TPD52: variants seen among roughly 807,000 people sequenced by gnomAD.
TPD52 encodes the protein tumor protein D52, also known as prostate and colon associated protein.
TPD52 carries 17 observed loss-of-function variants against 31.3 expected under a neutral mutation model. The ratio of observed to expected loss-of-function variants is 0.54; its 90% CI spans 0.37 to 0.82. TPD52 has a LOEUF of 0.82. TPD52 is among the 40% of genes least tolerant of loss of function. The pLI is 0.00. For synonymous variants in TPD52, 83 were observed against 89.6 expected, an observed-to-expected ratio of 0.93 and a Z score of 0.42; for missense variants, 212 against 240.1, an observed-to-expected ratio of 0.88 and a Z score of 0.77.
intron 1 of TPD52, chr8:80,080,389 A>G (rs1202894472): frequency 1.2e-6 from 2 of 1,614,072 alleles, no homozygotes; most frequent in Non-Finnish European, 1.7e-6. Context: ...GCTTTTGTTC[A>G]CTCCTGCATC....
chr8:80,071,805 AG>A (rs990592096), intron 1 of TPD52, among the ~76,000 whole-genome samples: 34 of 152,128 alleles, frequency 2.2e-4, no homozygotes, highest in African/African-American at 7.0e-4. Context: ...GCCCCAACAA[AG>A]AGCTTTCTAG....
intron 1 of TPD52, among the ~76,000 whole-genome samples, chr8:80,125,703 C>T (rs1808554502): frequency 6.6e-6 from 1 of 152,088 alleles, no homozygotes; most frequent in Non-Finnish European, 1.5e-5. Flanking sequence ...ATAGTGTCAA[C>T]ATCACACCCA....
chr8:80,145,549 C>T (rs1292474553), intron 1 of TPD52, among the ~76,000 whole-genome samples: 1 of 152,184 alleles, frequency 6.6e-6, no homozygotes, highest in Non-Finnish European at 1.5e-5. Flanking sequence ...GAATGGGTGA[C>T]TGTAGGAATC....
chr8:80,062,217 T>C (rs903256550), intron 2 of TPD52, among the ~76,000 whole-genome samples: 16 of 152,228 alleles, frequency 1.1e-4, no homozygotes, highest in South Asian at 8.3e-4. Flanking sequence ...AGAAAAGACA[T>C]ATAGATGAAT....
chr8:80,130,299 A>G (rs1306914365), intron 1 of TPD52, among the ~76,000 whole-genome samples: 1 of 152,198 alleles, frequency 6.6e-6, no homozygotes, highest in African/African-American at 2.4e-5. Flanking sequence ...TTACTTTGCA[A>G]TGTCTGGTTG....
At chr8:80,142,891 C>G (rs7840574) in intron 1 of TPD52, among the ~76,000 whole-genome samples, 77,017 of 151,510 alleles carry the variant, frequency 0.51, 20,022 homozygotes, top group East Asian at 0.78. Flanking sequence ...CACACACATT[C>G]ATGTATTTCC....
chr8:80,087,940 C>T (rs1050272219), intron 1 of TPD52, among the ~76,000 whole-genome samples: 3 of 152,220 alleles, frequency 2.0e-5, no homozygotes, highest in Non-Finnish European at 2.9e-5. Context: ...TTTAAAATCA[C>T]AAGGGTAGAT....
At chr8:80,099,363 AAAAC>A (rs928121388) in intron 1 of TPD52, among the ~76,000 whole-genome samples, 13 of 152,318 alleles carry the variant, frequency 8.5e-5, no homozygotes, top group Admixed American at 2.6e-4. Context: ...CATTTATGAA[AAAAC>A]AAACAAACAA....
intron 7 of TPD52, among the ~76,000 whole-genome samples, chr8:80,039,562 C>G (rs371144819): frequency 1.3e-5 from 2 of 152,136 alleles, no homozygotes; most frequent in South Asian, 2.1e-4. Context: ...CAATCGTTCT[C>G]CCCTTTGATG....
At chr8:80,080,575 T>C in intron 1 of TPD52, 1 of 1,434,626 alleles carries the variant, frequency 7.0e-7, no homozygotes, top group Non-Finnish European at 9.1e-7. Context: ...CCCCAGGAGT[T>C]AGAGGCCCTG....
chr8:80,151,990 A>G (rs1192437175), intron 1 of TPD52, among the ~76,000 whole-genome samples: 1 of 152,234 alleles, frequency 6.6e-6, no homozygotes, highest in East Asian at 1.9e-4. Context: ...GAAGAGACCT[A>G]AGTACTTCCT....
chr8:80,119,551 A>T (rs1456219294), intron 1 of TPD52, among the ~76,000 whole-genome samples: 1 of 152,188 alleles, frequency 6.6e-6, no homozygotes. Flanking sequence ...AAAGTCAAGA[A>T]ATTTAACAGT....
At chr8:80,117,140 C>T (rs1807920621) in intron 1 of TPD52, among the ~76,000 whole-genome samples, 1 of 152,120 alleles carries the variant, frequency 6.6e-6, no homozygotes, top group African/African-American at 2.4e-5. Flanking sequence ...ACTGGAGGTT[C>T]TAGCCAGGAC....
intron 1 of TPD52, among the ~76,000 whole-genome samples, chr8:80,086,729 C>T (rs950554391): frequency 6.6e-6 from 1 of 151,574 alleles, no homozygotes; most frequent in Non-Finnish European, 1.5e-5. Flanking sequence ...CAAAAATTAG[C>T]TGGTTGGGGG....
intron 2 of TPD52, among the ~76,000 whole-genome samples, chr8:80,056,902 C>T (rs919939522): frequency 3.9e-5 from 6 of 152,160 alleles, no homozygotes; most frequent in African/African-American, 1.4e-4. Context: ...GGTGCAATGG[C>T]TCACGGCTGT....
intron 1 of TPD52, among the ~76,000 whole-genome samples, chr8:80,120,193 T>A (rs1808160284): frequency 6.6e-6 from 1 of 151,406 alleles, no homozygotes; most frequent in South Asian, 2.1e-4. Context: ...TGAATATTTC[T>A]AAAAAAAAAT....
chr8:80,049,684 T>A (rs977183009), intron 5 of TPD52, among the ~76,000 whole-genome samples: 12 of 152,226 alleles, frequency 7.9e-5, no homozygotes, highest in African/African-American at 2.9e-4. Flanking sequence ...CTCCAACAAC[T>A]AATCAGATAA....
intron 5 of TPD52, among the ~76,000 whole-genome samples, chr8:80,048,300 T>C (rs1425942739): frequency 1.3e-5 from 2 of 152,202 alleles, no homozygotes. Context: ...ATTTATCAAC[T>C]GACTATGTAA....
intron 1 of TPD52, among the ~76,000 whole-genome samples, chr8:80,072,317 A>ATGTATG (rs1554582866): frequency 2.5e-5 from 3 of 121,308 alleles, no homozygotes; most frequent in African/African-American, 1.1e-4. Flanking sequence ...AAAAACATAT[A>ATGTATG]TGTGTGTGTG....
Sources: allele counts gnomAD v4.1 joint callset (sites outside exome capture counted in the v4.1 genomes callset), GRCh38; gene constraint gnomAD v4.1.1; transcripts MANE v1.5; gene names NCBI Gene and HGNC (gene_info 2026-07-23, HGNC 2026-07-21).